Variants in SLC25A43 observed in about 807,000 individuals in gnomAD.
The protein encoded by SLC25A43 is solute carrier family 25 member 43.
Under a neutral mutation model 22.8 loss-of-function variants are expected in SLC25A43, and 10 were observed. The observed-to-expected ratio is 0.44, with a 90% CI of 0.27 to 0.74. The LOEUF (loss-of-function observed/expected upper bound fraction) is 0.74. SLC25A43 is among the 30% of genes least tolerant of loss of function. The pLI is 0.17. For missense variants in SLC25A43, 233 were observed against 279.1 expected, an observed-to-expected ratio of 0.83 and a Z score of 1.18; for synonymous variants, 106 against 121.6, an observed-to-expected ratio of 0.87 and a Z score of 0.84.
Position 119,451,977 on chromosome X carries a change from A to G in SLC25A43, c.691-32A>G, listed in dbSNP as rs749170667. On this transcript the variant is annotated intron_variant, in intron 3 of 4. Coordinates refer to ENST00000217909, the MANE Select transcript of SLC25A43 (RefSeq NM_145305.3). ...AGGACATTTATTTCCTAATGTTTCAATCACCTCATCCCAGCTTCTGTTTCC... is the reference window on the plus strand; with the variant it reads ...AGGACATTTATTTCCTAATGTTTCAGTCACCTCATCCCAGCTTCTGTTTCC... 4 of 1,206,874 alleles carry G rather than the reference A, an allele frequency of 3.3e-6. No individual in the cohort carries two copies. The African/African-American group carries it at 7.0e-5, about 21-fold the overall frequency.
At chrX:119,425,616 G>A (rs946199101) in intron 3 of SLC25A43, among the ~76,000 whole-genome samples, 9 of 82,912 alleles carry the variant, frequency 1.1e-4, no homozygotes, top group African/African-American at 4.4e-4. Flanking sequence ...GTAGCATTGC[G>A]TTAGCAGTCA....
intron 3 of SLC25A43, among the ~76,000 whole-genome samples, chrX:119,441,433 G>A (rs908636463): frequency 2.8e-5 from 3 of 106,765 alleles, no homozygotes; most frequent in Non-Finnish European, 3.9e-5. Flanking sequence ...CGTCTTCTGC[G>A]TCGCTCACGC....
intron 3 of SLC25A43, among the ~76,000 whole-genome samples, chrX:119,447,901 C>T (rs1014896209): frequency 9.0e-6 from 1 of 111,104 alleles, no homozygotes; most frequent in African/African-American, 3.3e-5. Context: ...AATTATGTCT[C>T]CGGCCCTGAC....
chrX:119,403,358 C>T (rs1170916287), intron 1 of SLC25A43, among the ~76,000 whole-genome samples: 1 of 109,385 alleles, frequency 9.1e-6, no homozygotes, highest in Non-Finnish European at 1.9e-5. Flanking sequence ...GACGCAATCT[C>T]GGCTCACTGC....
chrX:119,402,307 C>T (rs1300692363), intron 1 of SLC25A43, among the ~76,000 whole-genome samples: 1 of 111,774 alleles, frequency 8.9e-6, no homozygotes, highest in Non-Finnish European at 1.9e-5. Flanking sequence ...TAGTTCAGGT[C>T]TCTGTCTACC....
chrX:119,442,006 C>G (rs1276494792), intron 3 of SLC25A43, among the ~76,000 whole-genome samples: 1 of 111,538 alleles, frequency 9.0e-6, no homozygotes, highest in Non-Finnish European at 1.9e-5. Context: ...AGGAGAATCG[C>G]TTGAACCCGG....
chrX:119,452,225 C>T (rs2052711992), intron 4 of SLC25A43, 82 bp downstream of exon 4: 2 of 1,090,273 alleles, frequency 1.8e-6, no homozygotes, highest in Non-Finnish European at 2.4e-6. Flanking sequence ...ACCCCTACTA[C>T]AGTTTGCTTG....
At chrX:119,445,150 G>A (rs1462436216) in intron 3 of SLC25A43, among the ~76,000 whole-genome samples, 1 of 109,698 alleles carries the variant, frequency 9.1e-6, no homozygotes, top group East Asian at 2.8e-4. Flanking sequence ...AAGCCCACAG[G>A]CAGAAGATTC....
At chrX:119,433,693 T>C (rs1661033436) in intron 3 of SLC25A43, among the ~76,000 whole-genome samples, 1 of 112,367 alleles carries the variant, frequency 8.9e-6, no homozygotes, top group South Asian at 3.7e-4. Context: ...GGTACTTGGC[T>C]GCAATGTGGA....
At chrX:119,424,212 CAAAA>C (rs201882702) in intron 3 of SLC25A43, among the ~76,000 whole-genome samples, 5 of 59,244 alleles carry the variant, frequency 8.4e-5, no homozygotes, top group African/African-American at 2.3e-4. Context: ...GACTCCGTCT[CAAAA>C]AAAAAAAAAA....
Position 119,399,522 on chromosome X carries a change from C to G in SLC25A43, c.119C>G (p.Ala40Gly). 1 of 1,092,642 alleles carries G rather than the reference C, an allele frequency of 9.2e-7. No individual in the cohort carries two copies. Among genetic ancestry groups the G allele is most frequent in the Non-Finnish European group, 1.2e-6 (1 of 839,520 alleles). 90.0% of individuals were successfully genotyped at this position (1,092,642 alleles called of 1,213,427 possible). A position where few individuals can be genotyped will look rare whatever the true frequency, so the allele number is the denominator to read the frequency against. The change falls in exon 1 of 5, where the codon GCC (alanine) becomes GGC (glycine). Residue 40 changes from alanine (A) to glycine (G), a missense_variant. Ala to Gly is a moderately conservative substitution (Grantham distance 60, BLOSUM62 0). Coordinates refer to ENST00000217909, the MANE Select transcript of SLC25A43 (RefSeq NM_145305.3). The part of the protein sequence containing the change: ...TAPLELATVL[A>G]QVGVVRGHAR... ...CCCCTGGAGCTCGCCACCGTGCTGG[C>G]CCAGGTTGGCGTCGTGCGAGGCCAC...
intron 3 of SLC25A43, among the ~76,000 whole-genome samples, chrX:119,446,781 G>A (rs2052672108): frequency 8.9e-6 from 1 of 112,112 alleles, no homozygotes; most frequent in Non-Finnish European, 1.9e-5. Flanking sequence ...CACCAGTCAT[G>A]TGTCAGCTGC....
chrX:119,414,154 T>A (rs899511492), intron 3 of SLC25A43, among the ~76,000 whole-genome samples: 4 of 112,301 alleles, frequency 3.6e-5, no homozygotes, highest in Non-Finnish European at 5.6e-5. Context: ...TAGTATCCCA[T>A]CATTTTAATT....
At chrX:119,435,639 T>G in intron 3 of SLC25A43, among the ~76,000 whole-genome samples, 1 of 43,095 alleles carries the variant, frequency 2.3e-5, no homozygotes, top group South Asian at 1.7e-3. Context: ...CCCACCACAG[T>G]CCCCAGAGTG....
intron 3 of SLC25A43, among the ~76,000 whole-genome samples, chrX:119,434,089 AAAAGTAAAC>A (rs2052577311): frequency 9.0e-6 from 1 of 111,051 alleles, no homozygotes; most frequent in South Asian, 3.9e-4. Flanking sequence ...GGAAAGAAAG[AAAAGTAAAC>A]AAATTTGGGA....
At chrX:119,422,795 T>C (rs2052465786) in intron 3 of SLC25A43, 1 of 112,140 alleles carries the variant, frequency 8.9e-6, no homozygotes, top group African/African-American at 3.2e-5. Flanking sequence ...TCTCCTACCC[T>C]AGCAATCAGG....
chrX:119,452,756 G>A (rs1015409596), intron 4 of SLC25A43, 109 bp from the exon 5 acceptor site: 8 of 582,376 alleles, frequency 1.4e-5, no homozygotes, highest in African/African-American at 2.3e-5. Flanking sequence ...TATTGCCACC[G>A]CCATTATCTC....
intron 3 of SLC25A43, among the ~76,000 whole-genome samples, chrX:119,411,756 G>A (rs2052351208): frequency 9.0e-6 from 1 of 111,388 alleles, no homozygotes; most frequent in Non-Finnish European, 1.9e-5. Context: ...TTCAAAAATA[G>A]CTAATGCATG....
At chrX:119,399,699 G>T in intron 1 of SLC25A43, 21 bp downstream of exon 1, 1 of 990,298 alleles carries the variant, frequency 1.0e-6, no homozygotes, top group Non-Finnish European at 1.3e-6. Flanking sequence ...GGCGGGGCCG[G>T]GGAACCGGGA....
Sources: allele counts gnomAD v4.1 joint callset (sites outside exome capture counted in the v4.1 genomes callset), GRCh38; gene constraint gnomAD v4.1.1; transcripts MANE v1.5; gene names NCBI Gene and HGNC (gene_info 2026-07-23, HGNC 2026-07-21).